RHOH: variants seen among roughly 807,000 people sequenced by gnomAD.
RHOH encodes the protein rho-related GTP-binding protein RhoH.
A neutral mutation model predicts 13.8 loss-of-function variants in RHOH; 6 were observed. That is an observed-to-expected ratio of 0.44 (90% CI 0.24 to 0.86). The LOEUF (loss-of-function observed/expected upper bound fraction) is 0.86. RHOH is among the 40% of genes least tolerant of loss of function. RHOH has a pLI of 0.24. For missense variants in RHOH, 147 were observed against 244.5 expected, an observed-to-expected ratio of 0.60 and a Z score of 2.66; for synonymous variants, 117 against 103.0, an observed-to-expected ratio of 1.14 and a Z score of -0.82.
upstream of RHOH, among the ~76,000 whole-genome samples, chr4:40,193,361 G>A (rs564351810): frequency 6.6e-6 from 1 of 152,350 alleles, no homozygotes; most frequent in African/African-American, 2.4e-5. Context: ...CGTCAGAAGG[G>A]ACACGCCCTG....
chr4:40,199,744 T>C (rs1186058856), intron 1 of RHOH, among the ~76,000 whole-genome samples: 1 of 152,222 alleles, frequency 6.6e-6, no homozygotes, highest in African/African-American at 2.4e-5. Flanking sequence ...CAGCTAAAAT[T>C]CCATTTCTAC....
At chr4:40,205,219 G>A (rs929506463) in intron 1 of RHOH, among the ~76,000 whole-genome samples, 1 of 152,166 alleles carries the variant, frequency 6.6e-6, no homozygotes, top group Non-Finnish European at 1.5e-5. Context: ...AGCCAAGATC[G>A]TGTCACTGCA....
chr4:40,239,242 G>A (rs930119179), intron 1 of RHOH, among the ~76,000 whole-genome samples: 4 of 152,198 alleles, frequency 2.6e-5, no homozygotes, highest in Non-Finnish European at 5.9e-5. Flanking sequence ...CTGAGGCCCT[G>A]AAAGCTGACT....
chr4:40,236,526 C>G (rs1345906746), intron 1 of RHOH, among the ~76,000 whole-genome samples: 2 of 152,144 alleles, frequency 1.3e-5, no homozygotes, highest in Non-Finnish European at 2.9e-5. Flanking sequence ...TGCGGTGGCT[C>G]ATGCCTGTAA....
Position 40,244,014 on chromosome 4 carries a change from G to A in RHOH, c.*52G>A, listed in dbSNP as rs777321817. 1.7e-5 allele frequency: 25 copies of A among 1,443,492 alleles called. No individual in the cohort carries two copies. Among genetic ancestry groups the A allele is most frequent in the Non-Finnish European group, 2.3e-5 (24 of 1,063,946 alleles). The allele number at this position is 1,443,492 out of a possible 1,614,324, so 89.4% of individuals were successfully genotyped here. On this transcript the variant is annotated 3_prime_UTR_variant, in exon 3 of 3. Transcript: ENST00000381799. ...ATGTATGCACCCCAAAGACTAATGG[G>A]GAGAGGGAGGGCCGGGAAGCCAGGA...
At chr4:40,236,834 A>G (rs1044153675) in intron 1 of RHOH, among the ~76,000 whole-genome samples, 6 of 152,108 alleles carry the variant, frequency 3.9e-5, no homozygotes, top group African/African-American at 9.7e-5. Flanking sequence ...ATATAAAGTT[A>G]TATCTCTGCA....
At chr4:40,192,651 A>C (rs114090488), upstream of RHOH, among the ~76,000 whole-genome samples, 236 of 152,364 alleles carry the variant, frequency 1.5e-3, no homozygotes, top group African/African-American at 5.5e-3. Context: ...TTCTTTTGCC[A>C]TATCAGAGAA....
intron 1 of RHOH, among the ~76,000 whole-genome samples, chr4:40,217,786 T>G (rs555056786): frequency 1.3e-5 from 2 of 152,336 alleles, no homozygotes; most frequent in Admixed American, 1.3e-4. Flanking sequence ...GGAGTGTGTT[T>G]TCTGAAAGTC....
intron 1 of RHOH, among the ~76,000 whole-genome samples, chr4:40,212,435 C>A (rs753368314): frequency 6.6e-6 from 1 of 152,108 alleles, no homozygotes; most frequent in Non-Finnish European, 1.5e-5. Context: ...GGTGGGCTAC[C>A]GGTGCTATTT....
upstream of RHOH, among the ~76,000 whole-genome samples, chr4:40,195,394 CTT>C (rs1723028690): frequency 7.3e-6 from 1 of 137,262 alleles, no homozygotes; most frequent in African/African-American, 2.9e-5. Flanking sequence ...TCCTTCCTTC[CTT>C]CCTTCCTTCC....
At position 40,244,433 on chromosome 4, in the gene RHOH, A is replaced by C. The variant is rs1387986293; in HGVS notation, c.*471A>C. ...TCTGCCATATGTTTGTAGTGTTATT[A>C]TTTTCACCTCAAGTAGAAAGTCTGT... On this transcript the variant is annotated 3_prime_UTR_variant, in exon 3 of 3. Transcript: ENST00000381799. The C allele has an allele frequency of 4.5e-6, 1 of 220,422 alleles. No individual in the cohort carries two copies. Among genetic ancestry groups the C allele is most frequent in the Non-Finnish European group, 9.9e-6 (1 of 100,806 alleles). 13.7% of individuals were successfully genotyped at this position (220,422 alleles called of 1,614,324 possible).
intron 1 of RHOH, among the ~76,000 whole-genome samples, chr4:40,226,403 G>A (rs1441483122): frequency 6.6e-6 from 1 of 151,928 alleles, no homozygotes. Flanking sequence ...GCGCATGCCT[G>A]TTATTCCAGC....
upstream of RHOH, among the ~76,000 whole-genome samples, chr4:40,196,092 G>C (rs1243297726): frequency 6.6e-6 from 1 of 152,114 alleles, no homozygotes; most frequent in East Asian, 1.9e-4. Flanking sequence ...AATAATCAGA[G>C]GGGTTTAAAA....
intron 1 of RHOH, chr4:40,205,785 A>G (rs1179549949): frequency 3.3e-5 from 5 of 152,230 alleles, no homozygotes; most frequent in Admixed American, 2.6e-4. Context: ...AACGCACTTC[A>G]TCTTCATCCC....
At chr4:40,232,979 T>C (rs1728125114) in intron 1 of RHOH, among the ~76,000 whole-genome samples, 1 of 152,230 alleles carries the variant, frequency 6.6e-6, no homozygotes, top group Non-Finnish European at 1.5e-5. Flanking sequence ...TCTGTAGTAC[T>C]GGTTCATATC....
At position 40,245,817 on chromosome 4, in the gene RHOH, G is replaced by A. The variant is rs1729730605; in HGVS notation, c.*1855G>A. ...CTATAATCAGTATCAAAAACCAAAT[G>A]TGTGCTCATTCACACATTGCTTTCT... On this transcript the variant is annotated 3_prime_UTR_variant, in exon 3 of 3. Transcript: ENST00000381799. 6.6e-6 allele frequency: 1 copy of A among 152,174 alleles called. No homozygotes were observed. Among genetic ancestry groups the A allele is most frequent in the East Asian group, 1.9e-4 (1 of 5,200 alleles). 9.4% of individuals were successfully genotyped at this position (152,174 alleles called of 1,614,324 possible).
rs1729781903 is a variant in RHOH, at chr4:40,246,588, T to G, written c.*2626T>G. The G allele has an allele frequency of 6.6e-6, 1 of 152,282 alleles. No homozygotes were observed. Among genetic ancestry groups the G allele is most frequent in the South Asian group, 2.1e-4 (1 of 4,830 alleles). 9.4% of individuals were successfully genotyped at this position (152,282 alleles called of 1,614,324 possible). On this transcript the variant is annotated 3_prime_UTR_variant, in exon 3 of 3. Transcript: ENST00000381799. ...CTGTCTTCCTGCTAGACTGCTGTTC[T>G]TGAAGGTAGCACTGCCTCCTGGTCT...
At chr4:40,192,326 A>G (rs1722737727), upstream of RHOH, among the ~76,000 whole-genome samples, 1 of 152,204 alleles carries the variant, frequency 6.6e-6, no homozygotes, top group Non-Finnish European at 1.5e-5. Context: ...GGTCTGTGTA[A>G]ACATTAAAAG....
chr4:40,225,807 A>G (rs1727157886), intron 1 of RHOH, among the ~76,000 whole-genome samples: 2 of 152,172 alleles, frequency 1.3e-5, no homozygotes, highest in Non-Finnish European at 2.9e-5. Context: ...GGCTCTCACT[A>G]AGAGAGAGGT....
Sources: gnomAD v4.1 joint callset for allele counts (sites outside exome capture counted in the v4.1 genomes callset) on GRCh38, gnomAD v4.1.1 for gene constraint, MANE v1.5 for transcripts, NCBI Gene and HGNC (gene_info 2026-07-23, HGNC 2026-07-21) for gene names.